The following TMOD1 variants were observed in gnomAD, a reference collection of about 807,000 sequenced individuals.
TMOD1 encodes tropomodulin 1.
In TMOD1, 17 loss-of-function variants were observed where a neutral mutation model predicts 40.6. That is an observed-to-expected ratio of 0.42 (90% CI 0.29 to 0.63). The LOEUF (loss-of-function observed/expected upper bound fraction) is 0.63, where lower values mean the gene tolerates loss of function less well. Ranked by LOEUF, TMOD1 falls within the 20% of genes least tolerant of loss-of-function variation. TMOD1 has a pLI of 0.22. For synonymous variants in TMOD1, 181 were observed against 175.0 expected (o/e 1.03, Z -0.27); for missense variants, 391 against 447.6 (o/e 0.87, Z 1.14).
intron 5 of TMOD1, 129 bp from the exon 6 acceptor site, chr9:97,563,909 C>G (rs1012008215): frequency 8.0e-7 from 1 of 1,247,580 alleles, no homozygotes; most frequent in Non-Finnish European, 1.1e-6. Context: ...CTACCCCCAC[C>G]CAGCCCCTGT....
At chr9:97,568,775 G>A in intron 7 of TMOD1, 119 bp from the exon 8 acceptor site, 11 of 1,209,270 alleles carry the variant, frequency 9.1e-6, no homozygotes, top group Non-Finnish European at 1.3e-5. Flanking sequence ...TGTGCTTGGT[G>A]AAGGACATGG....
At chr9:97,588,954 T>C (rs1407054672) in intron 8 of TMOD1, among the ~76,000 whole-genome samples, 1 of 151,792 alleles carries the variant, frequency 6.6e-6, no homozygotes, top group African/African-American at 2.4e-5. Flanking sequence ...CTGTCTCTAC[T>C]AAAAATACAA....
rs545025814 is a variant in TMOD1 at position 97,559,751 on chromosome 9, C to T, written c.398-2981C>T. Among the ~76,000 whole-genome samples the T allele has an allele frequency of 5.5e-4, 69 of 125,758 alleles. 1 individual carries two copies. The highest frequency in any genetic ancestry group is 2.0e-3 in the African/African-American group (64 of 32,006). 82.5% of individuals were successfully genotyped at this position (125,758 alleles called of 152,430 possible). On this transcript the variant is annotated intron_variant, in intron 4 of 9. Transcript: ENST00000259365. ...TTGCACTCCAGCCTGTGCCACAGAG[C>T]GAGACTCCGCCTCAAAAATTTAAAA...
intron 1 of TMOD1, among the ~76,000 whole-genome samples, chr9:97,511,075 C>CACACACACAG (rs1488637500): frequency 8.4e-6 from 1 of 118,980 alleles, no homozygotes; most frequent in Non-Finnish European, 1.7e-5. Context: ...CGCGCGCACA[C>CACACACACAG]ACACACACAG....
At chr9:97,597,410 G>A (rs902761429) in intron 9 of TMOD1, among the ~76,000 whole-genome samples, 1 of 152,162 alleles carries the variant, frequency 6.6e-6, no homozygotes, top group African/African-American at 2.4e-5. Context: ...AAAAGCCAGT[G>A]CCAGGGGGCC....
At chr9:97,556,341 C>T (rs1235837514) in intron 4 of TMOD1, among the ~76,000 whole-genome samples, 1 of 152,162 alleles carries the variant, frequency 6.6e-6, no homozygotes, top group Non-Finnish European at 1.5e-5. Context: ...AGAAACTCCG[C>T]ATGAGATGAA....
chr9:97,596,699 G>A (rs1475709602), intron 9 of TMOD1, among the ~76,000 whole-genome samples: 1 of 152,206 alleles, frequency 6.6e-6, no homozygotes, highest in Non-Finnish European at 1.5e-5. Context: ...CCTTTGCCAT[G>A]TTACTACCAT....
intron 8 of TMOD1, among the ~76,000 whole-genome samples, chr9:97,581,329 A>C (rs1397264169): frequency 6.7e-6 from 1 of 150,090 alleles, no homozygotes; most frequent in African/African-American, 2.5e-5. Context: ...TGAACTCATC[A>C]TTTTTTATGG....
chr9:97,514,923 C>T (rs1829778177), intron 1 of TMOD1, among the ~76,000 whole-genome samples: 1 of 152,224 alleles, frequency 6.6e-6, no homozygotes, highest in African/African-American at 2.4e-5. Context: ...CTTCCTGGCC[C>T]TGCCCTAGGG....
chr9:97,543,826 C>A (rs747267784), intron 2 of TMOD1, among the ~76,000 whole-genome samples: 1 of 152,218 alleles, frequency 6.6e-6, no homozygotes, highest in African/African-American at 2.4e-5. Flanking sequence ...TCCCATCAAA[C>A]CTGGGACATG....
chr9:97,556,439 G>A (rs960474997), intron 4 of TMOD1, among the ~76,000 whole-genome samples: 2 of 152,268 alleles, frequency 1.3e-5, no homozygotes, highest in South Asian at 2.1e-4. Context: ...TTCACAGAGC[G>A]GGTGACTGGG....
chr9:97,577,096 G>A (rs74677895), intron 8 of TMOD1, among the ~76,000 whole-genome samples: 217 of 149,488 alleles, frequency 1.5e-3, no homozygotes, highest in African/African-American at 5.5e-3. Context: ...CAAATCTGAA[G>A]GAGTATGAGA....
chr9:97,570,703 T>C (rs1830804641), intron 8 of TMOD1, among the ~76,000 whole-genome samples: 1 of 152,180 alleles, frequency 6.6e-6, no homozygotes, highest in Non-Finnish European at 1.5e-5. Context: ...CTTATCTCAG[T>C]GCCCAGCTCA....
chr9:97,593,901 A>G (rs1300914347), intron 9 of TMOD1, among the ~76,000 whole-genome samples: 1 of 152,064 alleles, frequency 6.6e-6, no homozygotes, highest in Non-Finnish European at 1.5e-5. Context: ...AGTTAGACCT[A>G]GGAGGAAAAA....
chr9:97,529,413 C>G (rs1024274271), intron 2 of TMOD1, among the ~76,000 whole-genome samples: 1 of 152,072 alleles, frequency 6.6e-6, no homozygotes, highest in Non-Finnish European at 1.5e-5. Context: ...TCAACAAACA[C>G]TTCAAGGGGT....
At chr9:97,551,729 G>A (rs1830457516) in intron 3 of TMOD1, among the ~76,000 whole-genome samples, 1 of 152,178 alleles carries the variant, frequency 6.6e-6, no homozygotes, top group African/African-American at 2.4e-5. Flanking sequence ...GAAAAGGACT[G>A]TTGGAACTTT....
chr9:97,576,538 A>G (rs1728197208), intron 8 of TMOD1, among the ~76,000 whole-genome samples: 2 of 152,212 alleles, frequency 1.3e-5, no homozygotes, highest in Admixed American at 1.3e-4. Context: ...CATTTAAACA[A>G]GAAACAAGTA....
intron 8 of TMOD1, among the ~76,000 whole-genome samples, chr9:97,576,175 C>T (rs1166328430): frequency 1.3e-5 from 2 of 152,186 alleles, no homozygotes; most frequent in African/African-American, 4.8e-5. Context: ...GGCATGACAG[C>T]TCATGCCTGT....
intron 1 of TMOD1, among the ~76,000 whole-genome samples, chr9:97,503,324 T>A (rs1174735564): frequency 2.0e-5 from 3 of 152,246 alleles, no homozygotes; most frequent in African/African-American, 7.2e-5. Flanking sequence ...GCTGCTGTTC[T>A]GGACTTTACC....
Sources: allele counts gnomAD v4.1 joint callset (sites outside exome capture counted in the v4.1 genomes callset), GRCh38; gene constraint gnomAD v4.1.1; transcripts MANE v1.5; gene names NCBI Gene and HGNC (gene_info 2026-07-23, HGNC 2026-07-21).